Variants in MARK2 observed in about 807,000 individuals in gnomAD.
The protein encoded by MARK2 is microtubule affinity regulating kinase 2.
MARK2 carries 16 observed loss-of-function variants against 89.8 expected under a neutral mutation model. The observed-to-expected ratio is 0.18, with a 90% confidence interval of 0.12 to 0.27. The LOEUF is 0.27. Ranked by LOEUF, MARK2 falls within the 10% of genes least tolerant of loss-of-function variation. The pLI is 1.00. For missense variants in MARK2, 621 were observed against 1,049.9 expected (o/e 0.59, Z 5.65); for synonymous variants, 382 against 399.5 (o/e 0.96, Z 0.52).
Position 63,893,585 on chromosome 11 carries a change from C to T in MARK2, c.55-1574C>T, listed in dbSNP as rs182231265. Among the ~76,000 whole-genome samples, 245 of 152,030 alleles carry T rather than the reference C, an allele frequency of 1.6e-3. 1 individual carries two copies. The highest frequency in any genetic ancestry group is 1.6e-3 in the Non-Finnish European group (112 of 68,002). On this transcript the variant is annotated intron_variant, in intron 1 of 18. Coordinates refer to ENST00000402010, the MANE Select transcript of MARK2 (RefSeq NM_001039469.3). ...ATACTGAGGAGCGGAATTGCTGGCT[C>T]ATATAGTCTGTGTTTAGCACTTTGA...
intron 1 of MARK2, among the ~76,000 whole-genome samples, chr11:63,847,268 T>A (rs1473091871): frequency 6.6e-6 from 1 of 152,188 alleles, no homozygotes; most frequent in Non-Finnish European, 1.5e-5. Flanking sequence ...ATTCATTTCC[T>A]TTTTACACCA....
chr11:63,866,351 C>CA (rs57664174), intron 1 of MARK2, among the ~76,000 whole-genome samples: 8,473 of 85,818 alleles, frequency 0.099, 336 homozygotes, highest in Middle Eastern at 0.17. Flanking sequence ...GACTCAGTCT[C>CA]AAAAAAAAAA....
chr11:63,858,052 A>C (rs370476245), intron 1 of MARK2, among the ~76,000 whole-genome samples: 12 of 151,370 alleles, frequency 7.9e-5, no homozygotes, highest in African/African-American at 2.9e-4. Flanking sequence ...TTTGAGATGG[A>C]GTTTTGCTTT....
chr11:63,891,070 TTGTG>T (rs374538402), intron 1 of MARK2, among the ~76,000 whole-genome samples: 11 of 151,404 alleles, frequency 7.3e-5, no homozygotes, highest in African/African-American at 2.4e-4. Flanking sequence ...TTGTGTTTGT[TTGTG>T]TGTGTGTGTG....
chr11:63,895,382 T>G, intron 2 of MARK2, 44 bp downstream of exon 2: 1 of 1,584,852 alleles, frequency 6.3e-7, no homozygotes, highest in South Asian at 1.1e-5. Context: ...CCCAGCCCTG[T>G]TGACACTCCA....
At position 63,867,119 on chromosome 11, in the gene MARK2, C is replaced by G. The variant is rs199545445; in HGVS notation, c.54+27559C>G. On this transcript the variant is annotated intron_variant, in intron 1 of 18. Coordinates refer to ENST00000402010, the MANE Select transcript of MARK2 (RefSeq NM_001039469.3). ...TTGGCTCACTGCAACCTCCGCCTCT[C>G]AGGCTCAAGCTATCCCCCAACCTTA... Among the ~76,000 whole-genome samples the G allele has an allele frequency of 5.9e-5, 9 of 152,332 alleles. No individual in the cohort carries two copies. The East Asian group carries it at 1.2e-3, about 20-fold the overall frequency.
intron 1 of MARK2, chr11:63,869,444 A>G (rs1451803184): frequency 6.4e-6 from 1 of 155,398 alleles, no homozygotes; most frequent in Admixed American, 6.3e-5. Flanking sequence ...GGGCTGCTCA[A>G]ACTAAGGCTG....
At chr11:63,843,143 ATTCTTAGTTTGTGAGCTGAGC>A (rs2016107367) in intron 1 of MARK2, among the ~76,000 whole-genome samples, 1 of 151,366 alleles carries the variant, frequency 6.6e-6, no homozygotes, top group Non-Finnish European at 1.5e-5. Flanking sequence ...AGCTTGGGGG[ATTCTTAGTTTGTGAGCTGAGC>A]TTTTTGTTCA....
intron 17 of MARK2, among the ~76,000 whole-genome samples, chr11:63,907,600 A>C: frequency 2.2e-5 from 3 of 133,694 alleles, no homozygotes; most frequent in African/African-American, 8.6e-5. Flanking sequence ...CCCCACCCTC[A>C]TCCTCCCTGC....
At chr11:63,856,207 C>T (rs2016827305) in intron 1 of MARK2, among the ~76,000 whole-genome samples, 1 of 151,846 alleles carries the variant, frequency 6.6e-6, no homozygotes, top group Non-Finnish European at 1.5e-5. Flanking sequence ...CTTTGGTTTG[C>T]AGTCCTTCTG....
rs373108678 is a variant in MARK2, at chr11:63,903,759, C to T, written c.1515-227C>T. ...TGTCTGCTCTCCTTCATTTCTGATTCCTCTTCCCAGGCACTGACCCACCTC... is the reference window on the plus strand; with the variant it reads ...TGTCTGCTCTCCTTCATTTCTGATTTCTCTTCCCAGGCACTGACCCACCTC... On this transcript the variant is annotated intron_variant, in intron 14 of 18. Transcript: ENST00000402010. This position sits in a 1 kb window ranked among gnomAD's most constrained non-coding sequence, Gnocchi z 5.1. Among the ~76,000 whole-genome samples, 21 of 152,240 alleles carry T rather than the reference C, an allele frequency of 1.4e-4. No homozygotes were observed. In the East Asian group the frequency reaches 3.7e-3, roughly 27 times the overall value.
chr11:63,846,019 G>A (rs767201368), intron 1 of MARK2, among the ~76,000 whole-genome samples: 31 of 151,556 alleles, frequency 2.0e-4, no homozygotes, highest in Non-Finnish European at 3.5e-4. Context: ...CACCGCGCCC[G>A]GCATCATTGC....
intron 1 of MARK2, among the ~76,000 whole-genome samples, chr11:63,872,928 G>A (rs1938543069): frequency 9.7e-6 from 1 of 103,388 alleles, no homozygotes; most frequent in Non-Finnish European, 1.8e-5. Context: ...CAGGCAAACT[G>A]GAGTGACCAG....
At chr11:63,858,394 C>CT (rs1477525195) in intron 1 of MARK2, among the ~76,000 whole-genome samples, 3 of 150,956 alleles carry the variant, frequency 2.0e-5, no homozygotes, top group Admixed American at 6.6e-5. Context: ...GTGTCTCACT[C>CT]TATCACCCAG....
intron 1 of MARK2, among the ~76,000 whole-genome samples, chr11:63,849,780 G>A (rs1378512513): frequency 6.6e-6 from 1 of 152,134 alleles, no homozygotes; most frequent in Non-Finnish European, 1.5e-5. Flanking sequence ...AGGTTTTGCG[G>A]CTAGATTTCC....
At chr11:63,842,368 C>T (rs776449429) in intron 1 of MARK2, among the ~76,000 whole-genome samples, 3 of 152,108 alleles carry the variant, frequency 2.0e-5, no homozygotes, top group South Asian at 2.1e-4. Context: ...AGGCACACAC[C>T]GCCACGCCCG....
At chr11:63,879,114 G>A (rs1311057035) in intron 1 of MARK2, among the ~76,000 whole-genome samples, 2 of 152,038 alleles carry the variant, frequency 1.3e-5, no homozygotes, top group Non-Finnish European at 2.9e-5. Flanking sequence ...AGACCAGCCT[G>A]GCCAACATGG....
intron 17 of MARK2, among the ~76,000 whole-genome samples, chr11:63,907,633 G>A (rs541932844): frequency 6.6e-6 from 1 of 152,272 alleles, no homozygotes; most frequent in South Asian, 2.1e-4. Flanking sequence ...GGCCTGGCAG[G>A]CCAGCAGGTA....
chr11:63,909,520 C>T lies in MARK2; in HGVS notation c.*283C>T, dbSNP rs1941615728. 2 of 331,498 alleles carry T rather than the reference C, an allele frequency of 6.0e-6. No individual in the cohort carries two copies. The highest frequency in any genetic ancestry group is 1.1e-5 in the Non-Finnish European group (2 of 181,676). 20.5% of individuals were successfully genotyped at this position (331,498 alleles called of 1,614,324 possible). On this transcript the variant is annotated 3_prime_UTR_variant, in exon 19 of 19. Transcript: ENST00000402010. ...TGGATGGGGGGGCAGGGCTCCCCCT[C>T]GGTACTGCGGTTGCACAGAGTATTT...
Sources: allele counts gnomAD v4.1 joint callset (sites outside exome capture counted in the v4.1 genomes callset), GRCh38; gene constraint gnomAD v4.1.1; non-coding constraint Gnocchi (gnomAD v3.1); transcripts MANE v1.5; gene names NCBI Gene and HGNC (gene_info 2026-07-23, HGNC 2026-07-21).